The following DDX24 variants were observed in gnomAD, a reference collection of about 807,000 sequenced individuals.
The protein encoded by DDX24 is ATP-dependent RNA helicase DDX24.
Under a neutral mutation model 68.9 loss-of-function variants are expected in DDX24, and 24 were observed. The ratio of observed to expected loss-of-function variants is 0.35; its 90% CI spans 0.25 to 0.49. DDX24 has a LOEUF of 0.49. Among genes scored for constraint, DDX24 ranks in the 20% least tolerant of loss-of-function variants. The probability of loss-of-function intolerance (pLI) is 0.99; values close to 1 mark genes in which losing one functional copy is unlikely to be tolerated. For missense variants in DDX24, 989 were observed against 1,039.0 expected, an observed-to-expected ratio of 0.95 and a Z score of 0.66; for synonymous variants, 395 against 385.2, an observed-to-expected ratio of 1.03 and a Z score of -0.30.
intron 2 of DDX24, among the ~76,000 whole-genome samples, chr14:94,075,714 G>A (rs181461341): frequency 6.6e-6 from 1 of 152,138 alleles, no homozygotes. Flanking sequence ...TTAAGAGAAC[G>A]AAAAGATAAG....
rs184843395 is a variant in DDX24, at chr14:94,074,474, T to C, written c.718+4551A>G. On this transcript the variant is annotated intron_variant, in intron 2 of 8. Transcript: ENST00000621632. ...CAGACTAAAAATGAAAAACCACCTA[T>C]TTCAATATATGCAGTAAAAAAGCAT... 1.7e-3 allele frequency among the ~76,000 whole-genome samples: 261 copies of C among 152,348 alleles called. 1 individual carries two copies. Among genetic ancestry groups the C allele is most frequent in the Non-Finnish European group, 2.8e-3 (193 of 68,032 alleles).
intron 8 of DDX24, 74 bp downstream of exon 8, chr14:94,052,924 G>A (rs998240721): frequency 6.5e-6 from 10 of 1,545,988 alleles, no homozygotes; most frequent in Non-Finnish European, 7.8e-6. Context: ...CACAGTAGTA[G>A]AGATGGTTCC....
At chr14:94,075,179 C>A (rs929167038) in intron 2 of DDX24, among the ~76,000 whole-genome samples, 1 of 152,088 alleles carries the variant, frequency 6.6e-6, no homozygotes, top group Non-Finnish European at 1.5e-5. Context: ...TATGGAAGGG[C>A]AAAGGCCTAC....
intron 2 of DDX24, among the ~76,000 whole-genome samples, chr14:94,070,252 T>C (rs1326820745): frequency 1.3e-5 from 2 of 150,300 alleles, no homozygotes; most frequent in Non-Finnish European, 3.0e-5. Flanking sequence ...AAGAACTCAA[T>C]CCCTTTTAAA....
Position 94,055,191 on chromosome 14 carries a change from C to T in DDX24, c.1990-7G>A. Reference sequence around the variant, plus strand: ...TCTCCGAGGTACGTGGGACCTGCCACAGGAAGAACTGGGAGATCAATACAT... The same window carrying T: ...TCTCCGAGGTACGTGGGACCTGCCATAGGAAGAACTGGGAGATCAATACAT... On this transcript the variant is annotated splice_polypyrimidine_tract_variant and splice_region_variant and intron_variant, in intron 6 of 8. Coordinates refer to ENST00000621632, the MANE Select transcript of DDX24 (RefSeq NM_020414.4). 1 of 1,610,882 alleles carries T rather than the reference C, an allele frequency of 6.2e-7. No individual in the cohort carries two copies. The highest frequency in any genetic ancestry group is 8.5e-7 in the Non-Finnish European group (1 of 1,177,726).
At chr14:94,078,566 C>T (rs952474597) in intron 2 of DDX24, among the ~76,000 whole-genome samples, 3 of 152,200 alleles carry the variant, frequency 2.0e-5, no homozygotes, top group African/African-American at 7.2e-5. Context: ...ACCCTTTTCA[C>T]CTTTGCACAA....
At chr14:94,052,130 C>A (rs1359204284) in intron 8 of DDX24, among the ~76,000 whole-genome samples, 1 of 152,276 alleles carries the variant, frequency 6.6e-6, no homozygotes, top group African/African-American at 2.4e-5. Flanking sequence ...GAGCAGACAG[C>A]AGTTAAGTCT....
chr14:94,078,402 A>G (rs1049767489), intron 2 of DDX24, among the ~76,000 whole-genome samples: 1 of 152,212 alleles, frequency 6.6e-6, no homozygotes, highest in African/African-American at 2.4e-5. Context: ...AGCAAAGTCA[A>G]CCTGTCATTG....
chr14:94,071,274 T>A (rs1885822047), intron 2 of DDX24, among the ~76,000 whole-genome samples: 1 of 152,100 alleles, frequency 6.6e-6, no homozygotes, highest in South Asian at 2.1e-4. Flanking sequence ...TCACTAATGA[T>A]CAGGGAAATG....
chr14:94,070,501 A>C (rs1885807579), intron 2 of DDX24, among the ~76,000 whole-genome samples: 1 of 152,220 alleles, frequency 6.6e-6, no homozygotes, highest in Admixed American at 6.5e-5. Flanking sequence ...CAGAATTAGA[A>C]AAAACAATTC....
At chr14:94,051,889 T>G in intron 8 of DDX24, 1 of 162,080 alleles carries the variant, frequency 6.2e-6, no homozygotes, top group Non-Finnish European at 1.3e-5. Flanking sequence ...CCCACCTCCC[T>G]GCCGCCCCAG....
At chr14:94,056,367 C>T (rs1885492489) in intron 6 of DDX24, 2 of 152,316 alleles carry the variant, frequency 1.3e-5, no homozygotes, top group South Asian at 4.1e-4. Context: ...GGACTTGCAG[C>T]ACTACTTCCT....
At chr14:94,062,011 G>A (rs1036094561) in intron 3 of DDX24, 86 bp downstream of exon 3, 1 of 1,409,820 alleles carries the variant, frequency 7.1e-7, no homozygotes, top group Non-Finnish European at 9.4e-7. Context: ...TTACCCTAGA[G>A]GGCAGGAGCC....
intron 2 of DDX24, among the ~76,000 whole-genome samples, chr14:94,065,726 A>C (rs1011026172): frequency 6.6e-6 from 1 of 152,052 alleles, no homozygotes; most frequent in Non-Finnish European, 1.5e-5. Flanking sequence ...CCAAACACAC[A>C]CCCCCACTAG....
intron 6 of DDX24, chr14:94,056,153 T>C (rs560972709): frequency 7.9e-5 from 12 of 152,310 alleles, no homozygotes; most frequent in African/African-American, 2.6e-4. Flanking sequence ...GGGAAGACTA[T>C]AGAGATTTGC....
At chr14:94,080,714 CA>C (rs201658346) in intron 1 of DDX24, among the ~76,000 whole-genome samples, 5 of 149,560 alleles carry the variant, frequency 3.3e-5, no homozygotes, top group East Asian at 4.0e-4. Flanking sequence ...AAAAAACAAA[CA>C]AAAAAAAACA....
chr14:94,079,787 G>A (rs1886024297), intron 1 of DDX24, 40 bp from the exon 2 acceptor site: 1 of 1,563,014 alleles, frequency 6.4e-7, no homozygotes, highest in African/African-American at 1.4e-5. Context: ...TGGTGTCTGA[G>A]AAGCAGAGGG....
At position 94,079,466 on chromosome 14, in the gene DDX24, T is replaced by C; in HGVS notation, c.277A>G (p.Ser93Gly). ...EEEEEEEGKSSSPKKKIKLKK... is the reference protein window; with the variant it reads ...EEEEEEEGKSGSPKKKIKLKK... The stretch of plus-strand genomic sequence containing the variant: ...AACTTGATCTTTTTCTTTGGTGAGC[T>C]AGACTTTCCCTCCTCCTCCTCCTCT... Residue 93 changes from serine (S) to glycine (G), a missense_variant, in exon 2 of 9, where the codon AGC becomes GGC. Physicochemically the swap from Ser to Gly is moderately conservative, Grantham distance 56. This residue lies in a region of DDX24 where 295 missense variants were observed against 263.0 expected (regional missense o/e 1.12). Coordinates refer to ENST00000621632, the MANE Select transcript of DDX24 (RefSeq NM_020414.4). 1 of 1,614,056 alleles carries C rather than the reference T, an allele frequency of 6.2e-7. No homozygotes were observed. Among genetic ancestry groups the C allele is most frequent in the East Asian group, 2.2e-5 (1 of 44,880 alleles).
chr14:94,049,293 C>T lies in DDX24; in HGVS notation c.*1898G>A, dbSNP rs1885343293. The T allele has an allele frequency of 6.6e-6, 1 of 152,228 alleles. No homozygotes were observed. The highest frequency in any genetic ancestry group is 6.5e-5 in the Admixed American group (1 of 15,292). 9.4% of individuals were successfully genotyped at this position (152,228 alleles called of 1,614,324 possible). A position where few individuals can be genotyped will look rare whatever the true frequency, so the allele number is the denominator to read the frequency against. On this transcript the variant is annotated 3_prime_UTR_variant, in exon 9 of 9. Transcript: ENST00000621632. ...GTGCCATTAGGGGATATTAAGCCCGCTTACTAACCCCACTGACCACCACTG... is the reference window on the plus strand; with the variant it reads ...GTGCCATTAGGGGATATTAAGCCCGTTTACTAACCCCACTGACCACCACTG...
Sources: gnomAD v4.1 joint callset for allele counts (sites outside exome capture counted in the v4.1 genomes callset) on GRCh38, gnomAD v4.1.1 for gene constraint, gnomAD v4.1.1 regional missense constraint, MANE v1.5 for transcripts, NCBI Gene and HGNC (gene_info 2026-07-23, HGNC 2026-07-21) for gene names.